Variants in ARID2 observed in about 807,000 individuals in gnomAD.
ARID2 encodes AT-rich interaction domain 2.
Under a neutral mutation model 184.6 loss-of-function variants are expected in ARID2, and 32 were observed. The observed-to-expected ratio is 0.17, with a 90% CI of 0.13 to 0.23. The LOEUF is 0.23. ARID2 is among the 10% of genes least tolerant of loss of function. ARID2 has a pLI of 1.00. For synonymous variants in ARID2, 836 were observed against 772.6 expected (o/e 1.08, Z -1.36); for missense variants, 1,696 against 2,197.6 (o/e 0.77, Z 4.56).
chr12:45,823,363 A>C (rs879842189), intron 6 of ARID2, among the ~76,000 whole-genome samples: 1 of 152,172 alleles, frequency 6.6e-6, no homozygotes, highest in Non-Finnish European at 1.5e-5. Flanking sequence ...AAAGATTTCA[A>C]ATAAACAACC....
At chr12:45,731,065 C>G in intron 2 of ARID2, 152 bp from the exon 3 acceptor site, 1 of 600,038 alleles carries the variant, frequency 1.7e-6, no homozygotes, top group Non-Finnish European at 3.0e-6. Context: ...ATTCAAGAAG[C>G]CCTTGCTTAG....
chr12:45,759,998 C>T (rs184703210), intron 3 of ARID2, among the ~76,000 whole-genome samples: 29 of 152,154 alleles, frequency 1.9e-4, no homozygotes, highest in African/African-American at 7.0e-4. Context: ...AAATTAATTT[C>T]TCTTTAGGCT....
intron 6 of ARID2, among the ~76,000 whole-genome samples, chr12:45,825,169 G>A (rs1942972631): frequency 6.6e-6 from 1 of 152,038 alleles, no homozygotes; most frequent in Admixed American, 6.6e-5. Context: ...ATAAATTCTA[G>A]TGTTTTATAG....
intron 6 of ARID2, among the ~76,000 whole-genome samples, chr12:45,829,621 A>G (rs905011370): frequency 1.3e-5 from 2 of 151,526 alleles, no homozygotes; most frequent in Admixed American, 1.3e-4. Flanking sequence ...ATTGTAGATT[A>G]TAAGTTATAT....
In ARID2 at chr12:45,752,394, A is replaced by G. The variant is rs116135680; in HGVS notation, c.284+21080A>G. On this transcript the variant is annotated intron_variant, in intron 3 of 20. Coordinates refer to ENST00000334344, the MANE Select transcript of ARID2 (RefSeq NM_152641.4). ...TAGAGAGCACGGTGTCTGGTTCATG[A>G]TAAGTGCTAGTGCTGCTTGTTTTGT... Among the ~76,000 whole-genome samples the G allele has an allele frequency of 5.1e-3, 779 of 152,338 alleles. 11 individuals carry two copies. The highest frequency in any genetic ancestry group is 0.018 in the African/African-American group (743 of 41,576).
chr12:45,856,249 A>G (rs1352444610), intron 15 of ARID2, among the ~76,000 whole-genome samples: 1 of 150,064 alleles, frequency 6.7e-6, no homozygotes, highest in Non-Finnish European at 1.5e-5. Flanking sequence ...TTGTATTTTT[A>G]ATAGAGACTG....
chr12:45,893,372 G>T, intron 18 of ARID2, 48 bp from the exon 19 acceptor site: 1 of 1,561,608 alleles, frequency 6.4e-7, no homozygotes. Context: ...CAGTCTGTCT[G>T]CAGTATCACG....
intron 16 of ARID2, among the ~76,000 whole-genome samples, chr12:45,866,410 A>G (rs1291537574): frequency 6.6e-6 from 1 of 152,180 alleles, no homozygotes; most frequent in African/African-American, 2.4e-5. Flanking sequence ...TTGCTATTAC[A>G]TATGAACAGA....
At position 45,837,573 on chromosome 12, in the gene ARID2, C is replaced by T. The variant is rs2138131815; in HGVS notation, c.1196C>T (p.Ser399Phe). 1 of 1,613,986 alleles carries T rather than the reference C, an allele frequency of 6.2e-7. No homozygotes were observed. The highest frequency in any genetic ancestry group is 8.5e-7 in the Non-Finnish European group (1 of 1,179,964). ...ATTTGTGAATATGTGGATCAGGATT[C>T]CTACAGAGAGATCATTTGTCATCTC... is the stretch of plus-strand genomic sequence containing the variant. ...VLICEYVDQD[S>F]YREIICHLTL... The change falls in exon 10 of 21, where the codon TCC becomes TTC. Residue 399 changes from serine (S) to phenylalanine (F), a missense_variant. Around this residue, in one of 11 missense-constraint regions of ARID2, gnomAD observed 86 missense variants for 200.8 expected, o/e 0.43. Transcript: ENST00000334344.
rs1325578765 is a variant in ARID2 at position 45,836,897 on chromosome 12, G to A, written c.929G>A (p.Arg310His). 1.2e-6 allele frequency: 2 copies of A among 1,614,088 alleles called. No individual in the cohort carries two copies. Among genetic ancestry groups the A allele is most frequent in the East Asian group, 2.2e-5 (1 of 44,858 alleles). ...AATGTTAAGCTCTTGGCAGCTAATC[G>A]TACCTGTCTTCGTTTCCTATTACTT... Reference protein sequence around the residue: ...EGNVKLLAANRTCLRFLLLSA... With the variant: ...EGNVKLLAANHTCLRFLLLSA... Residue 310 changes from arginine (R) to histidine (H), a missense_variant, in exon 8 of 21, where the codon CGT (arginine) becomes CAT (histidine). Physicochemically the swap from Arg to His is conservative, Grantham distance 29. This residue lies in a region of ARID2 where 86 missense variants were observed against 200.8 expected (regional missense o/e 0.43). Coordinates refer to ENST00000334344, the MANE Select transcript of ARID2 (RefSeq NM_152641.4).
chr12:45,752,441 C>G (rs1028880622), intron 3 of ARID2, among the ~76,000 whole-genome samples: 1 of 152,164 alleles, frequency 6.6e-6, no homozygotes, highest in Non-Finnish European at 1.5e-5. Flanking sequence ...GTGCCAAATA[C>G]TATATGGGAT....
At chr12:45,755,503 G>GT (rs2138001079) in intron 3 of ARID2, among the ~76,000 whole-genome samples, 1 of 152,326 alleles carries the variant, frequency 6.6e-6, no homozygotes, top group South Asian at 2.1e-4. Context: ...GCTTATCGTT[G>GT]TAAGTATCAC....
At chr12:45,863,548 T>C (rs1267706951) in intron 16 of ARID2, among the ~76,000 whole-genome samples, 1 of 152,102 alleles carries the variant, frequency 6.6e-6, no homozygotes, top group African/African-American at 2.4e-5. Flanking sequence ...GATTGCATCA[T>C]TGCACTCCAG....
At chr12:45,732,770 ATTGAC>A (rs1240473128) in intron 3 of ARID2, among the ~76,000 whole-genome samples, 5 of 152,128 alleles carry the variant, frequency 3.3e-5, no homozygotes, top group African/African-American at 9.7e-5. Context: ...TGTTAGATTG[ATTGAC>A]TTAAGTTTTA....
rs779635060 is a variant in ARID2, at chr12:45,851,321, G to A, written c.3198G>A (p.Pro1066=). The A allele has an allele frequency of 2.7e-5, 43 of 1,613,986 alleles. No individual in the cohort carries two copies. Among genetic ancestry groups the A allele is most frequent in the Admixed American group, 1.0e-4 (6 of 59,994 alleles). ...ESSLIKQLLL[P]KRGPSTPGGK... The stretch of plus-strand genomic sequence containing the variant: ...GTCTGATTAAACAGCTTCTGCTTCC[G>A]AAACGTGGTCCTTCAACACCAGGTG... The change falls in exon 15 of 21, where the codon CCG becomes CCA. Residue 1066 remains proline (P), a synonymous_variant. Transcript: ENST00000334344.
chr12:45,838,847 G>T (rs1026862287), intron 10 of ARID2, among the ~76,000 whole-genome samples: 1 of 150,464 alleles, frequency 6.6e-6, no homozygotes, highest in African/African-American at 2.5e-5. Flanking sequence ...AGTCTTCAGA[G>T]ATTGAGCCTA....
At chr12:45,848,009 T>C (rs1943475464) in intron 12 of ARID2, among the ~76,000 whole-genome samples, 1 of 152,048 alleles carries the variant, frequency 6.6e-6, no homozygotes, top group Non-Finnish European at 1.5e-5. Flanking sequence ...ATAACCACTA[T>C]AAAATGTGTA....
intron 3 of ARID2, among the ~76,000 whole-genome samples, chr12:45,801,319 G>GAA (rs377189116): frequency 1.6e-4 from 20 of 127,726 alleles, no homozygotes; most frequent in Non-Finnish European, 2.1e-4. Context: ...CTCAAAAAAA[G>GAA]AAAAAAAAAA....
intron 11 of ARID2, among the ~76,000 whole-genome samples, chr12:45,844,105 C>G (rs1261816448): frequency 1.3e-5 from 2 of 152,114 alleles, no homozygotes; most frequent in African/African-American, 4.8e-5. Context: ...CCATCAGAAC[C>G]TGGCTCACTG....
Sources: gnomAD v4.1 joint callset for allele counts (sites outside exome capture counted in the v4.1 genomes callset) on GRCh38, gnomAD v4.1.1 for gene constraint, gnomAD v4.1.1 regional missense constraint, MANE v1.5 for transcripts, NCBI Gene and HGNC (gene_info 2026-07-23, HGNC 2026-07-21) for gene names.